Variants in LRBA observed in about 807,000 individuals in gnomAD.
The protein encoded by LRBA is lipopolysaccharide-responsive and beige-like anchor protein.
A neutral mutation model predicts 330.0 loss-of-function variants in LRBA; 176 were observed. That is an observed-to-expected ratio of 0.53 (90% CI 0.47 to 0.60). The LOEUF (loss-of-function observed/expected upper bound fraction) is 0.60, where lower values mean the gene tolerates loss of function less well. LRBA is among the 20% of genes least tolerant of loss of function. LRBA has a pLI of 0.00. For synonymous variants in LRBA, 1,230 were observed against 1,193.0 expected (o/e 1.03, Z -0.64); for missense variants, 3,259 against 3,444.8 (o/e 0.95, Z 1.35).
chr4:150,272,379 C>CA (rs1049249961), intron 56 of LRBA, among the ~76,000 whole-genome samples: 3 of 151,934 alleles, frequency 2.0e-5, no homozygotes, highest in African/African-American at 7.3e-5. Flanking sequence ...GAAACCAGTG[C>CA]AAAAAGCTGA....
intron 9 of LRBA, among the ~76,000 whole-genome samples, chr4:150,913,572 T>G (rs960049758): frequency 8.5e-5 from 13 of 152,246 alleles, no homozygotes; most frequent in African/African-American, 3.1e-4. Flanking sequence ...GTTCAAGTCT[T>G]CTGTTTACTT....
chr4:150,370,627 C>G (rs1054699227), intron 47 of LRBA, among the ~76,000 whole-genome samples: 12 of 152,102 alleles, frequency 7.9e-5, no homozygotes, highest in African/African-American at 2.9e-4. Context: ...TACAGGAAGT[C>G]TAACATAAAA....
At chr4:150,373,260 T>C (rs1740744832) in intron 47 of LRBA, among the ~76,000 whole-genome samples, 1 of 150,240 alleles carries the variant, frequency 6.7e-6, no homozygotes, top group African/African-American at 2.4e-5. Flanking sequence ...AAAGAGACTA[T>C]GAGAAAAAAA....
At chr4:150,577,240 T>C (rs1005510654) in intron 40 of LRBA, among the ~76,000 whole-genome samples, 1 of 152,008 alleles carries the variant, frequency 6.6e-6, no homozygotes, top group Non-Finnish European at 1.5e-5. Context: ...ATCTTACATA[T>C]ATTTAAATAT....
At chr4:150,310,489 T>G in intron 51 of LRBA, 105 bp from the exon 52 acceptor site, 4 of 676,384 alleles carry the variant, frequency 5.9e-6, no homozygotes, top group Non-Finnish European at 9.8e-6. Context: ...TACTTGATCC[T>G]TAATTCTAAG....
chr4:150,689,604 C>T (rs895950600), intron 36 of LRBA, among the ~76,000 whole-genome samples: 4 of 151,954 alleles, frequency 2.6e-5, no homozygotes, highest in African/African-American at 4.8e-5. Flanking sequence ...ATGTTTATAT[C>T]GGTGAATTCC....
intron 33 of LRBA, among the ~76,000 whole-genome samples, chr4:150,805,082 A>G (rs1742364401): frequency 6.6e-6 from 1 of 152,044 alleles, no homozygotes; most frequent in Non-Finnish European, 1.5e-5. Flanking sequence ...TTTCTGAGGA[A>G]ATTTACGGTA....
chr4:150,821,195 A>G (rs931370863), intron 30 of LRBA, among the ~76,000 whole-genome samples: 1 of 152,124 alleles, frequency 6.6e-6, no homozygotes, highest in South Asian at 2.1e-4. Flanking sequence ...AGCATAAGGA[A>G]TCTGAAAGAT....
intron 28 of LRBA, among the ~76,000 whole-genome samples, chr4:150,839,552 C>T (rs553971298): frequency 1.3e-5 from 2 of 152,288 alleles, no homozygotes; most frequent in African/African-American, 4.8e-5. Context: ...GAATACTATG[C>T]AGCCATAAAA....
chr4:150,737,983 C>CTT (rs774453122), intron 35 of LRBA, among the ~76,000 whole-genome samples: 1,273 of 112,126 alleles, frequency 0.011, 48 homozygotes, highest in African/African-American at 0.038. Context: ...TTCTCTGAAT[C>CTT]TTTTTTTTTT....
intron 47 of LRBA, among the ~76,000 whole-genome samples, chr4:150,372,726 A>G (rs374098918): frequency 1.4e-5 from 2 of 143,062 alleles, no homozygotes; most frequent in East Asian, 4.0e-4. Context: ...AAATATCCTT[A>G]TTATTAAATT....
At chr4:150,991,053 C>CAAAAA in intron 2 of LRBA, among the ~76,000 whole-genome samples, 1 of 60,026 alleles carries the variant, frequency 1.7e-5, no homozygotes, top group Admixed American at 1.6e-4. Context: ...ACTCTGTCTC[C>CAAAAA]AAAAAAAAAA....
intron 40 of LRBA, among the ~76,000 whole-genome samples, chr4:150,539,078 C>A (rs998524743): frequency 2.0e-5 from 3 of 152,058 alleles, no homozygotes; most frequent in Non-Finnish European, 4.4e-5. Flanking sequence ...TGGGTTCAAG[C>A]AATTCTCCTG....
At chr4:150,681,452 A>G (rs1783051493) in intron 37 of LRBA, among the ~76,000 whole-genome samples, 1 of 152,244 alleles carries the variant, frequency 6.6e-6, no homozygotes, top group Admixed American at 6.5e-5. Context: ...AATATTGAAA[A>G]GGACTATTTA....
chr4:150,519,049 G>T (rs1270474578), intron 40 of LRBA, among the ~76,000 whole-genome samples: 1 of 151,444 alleles, frequency 6.6e-6, no homozygotes, highest in Middle Eastern at 3.2e-3. Flanking sequence ...TTTTCCTTTG[G>T]TTTATTTTAC....
intron 2 of LRBA, among the ~76,000 whole-genome samples, chr4:150,939,920 A>G (rs1257254187): frequency 6.6e-6 from 1 of 152,230 alleles, no homozygotes; most frequent in Admixed American, 6.5e-5. Context: ...AGACTTCACC[A>G]TAACTCAATA....
chr4:150,615,941 C>G (rs1775734980), intron 37 of LRBA, among the ~76,000 whole-genome samples: 1 of 152,108 alleles, frequency 6.6e-6, no homozygotes, highest in African/African-American at 2.4e-5. Context: ...ATGGGGCACT[C>G]TTGGAAGCCA....
chr4:150,464,247 A>G (rs1755155516), intron 44 of LRBA, among the ~76,000 whole-genome samples: 1 of 152,120 alleles, frequency 6.6e-6, no homozygotes, highest in African/African-American at 2.4e-5. Flanking sequence ...CTAGGACCCT[A>G]GAACACGTAT....
At chr4:150,510,690 T>A (rs890905878) in intron 40 of LRBA, among the ~76,000 whole-genome samples, 6 of 152,150 alleles carry the variant, frequency 3.9e-5, no homozygotes, top group African/African-American at 1.2e-4. Flanking sequence ...AGTGATTTCA[T>A]CCCGAATCAC....
Sources: allele counts gnomAD v4.1 joint callset (sites outside exome capture counted in the v4.1 genomes callset), GRCh38; gene constraint gnomAD v4.1.1; transcripts MANE v1.5; gene names NCBI Gene and HGNC (gene_info 2026-07-23, HGNC 2026-07-21).